The following VPS33A variants were observed in gnomAD, a reference collection of about 807,000 sequenced individuals.
The protein encoded by VPS33A is vacuolar protein sorting-associated protein 33A.
Under a neutral mutation model 71.8 loss-of-function variants are expected in VPS33A, and 32 were observed. That is an observed-to-expected ratio of 0.45 (90% CI 0.34 to 0.60). The LOEUF (loss-of-function observed/expected upper bound fraction) is 0.60. Ranked by LOEUF, VPS33A falls within the 20% of genes least tolerant of loss-of-function variation. VPS33A has a pLI of 0.02. For synonymous variants in VPS33A, 311 were observed against 292.7 expected (o/e 1.06, Z -0.64); for missense variants, 625 against 748.5 (o/e 0.84, Z 1.92).
At position 122,235,197 on chromosome 12, in the gene VPS33A, C is replaced by T. The variant is rs140094815; in HGVS notation, c.1440+589G>A. ...CTGGTCTCGAACTCCTGGACTCAAG[C>T]GATCTGACCCTTCAGCCTCCCAATA... On this transcript the variant is annotated intron_variant, in intron 11 of 12. Transcript: ENST00000267199. Among the ~76,000 whole-genome samples the T allele has an allele frequency of 7.9e-5, 12 of 151,698 alleles. No homozygotes were observed. In the East Asian group the frequency reaches 2.1e-3, roughly 27 times the overall value.
chr12:122,249,376 C>T (rs1287601751), intron 6 of VPS33A: 2 of 152,264 alleles, frequency 1.3e-5, no homozygotes, highest in Non-Finnish European at 2.9e-5. Flanking sequence ...GCATGTGCCA[C>T]CACACTCAGC....
At chr12:122,254,725 A>C (rs1409069065) in intron 4 of VPS33A, among the ~76,000 whole-genome samples, 1 of 152,132 alleles carries the variant, frequency 6.6e-6, no homozygotes, top group African/African-American at 2.4e-5. Flanking sequence ...TCTTAGGTGA[A>C]TATACAAAGC....
chr12:122,250,544 T>C (rs1010541568), intron 5 of VPS33A, among the ~76,000 whole-genome samples: 8 of 152,200 alleles, frequency 5.3e-5, no homozygotes, highest in African/African-American at 1.9e-4. Flanking sequence ...CTGACACACG[T>C]AATGTCTCCG....
intron 11 of VPS33A, 53 bp downstream of exon 11, chr12:122,235,733 T>A: frequency 1.3e-6 from 2 of 1,544,560 alleles, no homozygotes; most frequent in Non-Finnish European, 1.7e-6. Flanking sequence ...TGTTGTCACC[T>A]GGACGATCTA....
In VPS33A at chr12:122,263,533, A is replaced by C. The variant is rs1287760237; in HGVS notation, c.296+39T>G. 1.9e-6 allele frequency: 3 copies of C among 1,559,846 alleles called. No individual in the cohort carries two copies. In the African/African-American group the frequency reaches 4.1e-5, roughly 21 times the overall value. On this transcript the variant is annotated intron_variant, in intron 3 of 12. Transcript: ENST00000267199. ...GCTCATAAATTAAAAGCATTATAAGAACCAAACTCTTTTGGATCAAACACA... is the reference window on the plus strand; with the variant it reads ...GCTCATAAATTAAAAGCATTATAAGCACCAAACTCTTTTGGATCAAACACA...
intron 6 of VPS33A, among the ~76,000 whole-genome samples, chr12:122,246,077 CG>C (rs1343136297): frequency 6.6e-6 from 1 of 152,142 alleles, no homozygotes; most frequent in Non-Finnish European, 1.5e-5. Flanking sequence ...TCATGAACTA[CG>C]GATGGCATGG....
At chr12:122,258,108 A>C (rs1174349889) in intron 4 of VPS33A, among the ~76,000 whole-genome samples, 1 of 152,104 alleles carries the variant, frequency 6.6e-6, no homozygotes, top group East Asian at 1.9e-4. Context: ...AAAAATTATA[A>C]GCTGGGCGCG....
chr12:122,256,144 T>C (rs759603071), intron 4 of VPS33A, among the ~76,000 whole-genome samples: 2 of 152,122 alleles, frequency 1.3e-5, no homozygotes, highest in Non-Finnish European at 2.9e-5. Context: ...TTGTGAAAAC[T>C]GTCAACAAAT....
At chr12:122,240,317 GA>G (rs1954696827) in intron 8 of VPS33A, among the ~76,000 whole-genome samples, 4 of 152,128 alleles carry the variant, frequency 2.6e-5, no homozygotes, top group Non-Finnish European at 5.9e-5. Flanking sequence ...AACAGAGCGA[GA>G]CTCTGTCTCA....
At position 122,234,583 on chromosome 12, in the gene VPS33A, C is replaced by T. The variant is rs112605042; in HGVS notation, c.1440+1203G>A. On this transcript the variant is annotated intron_variant, in intron 11 of 12. Coordinates refer to ENST00000267199, the MANE Select transcript of VPS33A (RefSeq NM_022916.6). Reference sequence around the variant, plus strand: ...CTGGAATTACAGGTGTGAGCCACCGCGCCTGGCCATGGCTGGCTTGTTTAT... The same window carrying T: ...CTGGAATTACAGGTGTGAGCCACCGTGCCTGGCCATGGCTGGCTTGTTTAT... Among the ~76,000 whole-genome samples, 336 of 152,314 alleles carry T rather than the reference C, an allele frequency of 2.2e-3. 6 individuals are homozygous for T. The East Asian group carries it at 0.042, about 19-fold the overall frequency.
At chr12:122,259,498 C>T (rs531355860) in intron 4 of VPS33A, among the ~76,000 whole-genome samples, 2 of 152,070 alleles carry the variant, frequency 1.3e-5, no homozygotes, top group African/African-American at 4.8e-5. Flanking sequence ...GGATCACAGG[C>T]GTGAGCCACC....
chr12:122,263,549 A>G, intron 3 of VPS33A, 23 bp downstream of exon 3: 3 of 1,577,448 alleles, frequency 1.9e-6, no homozygotes, highest in East Asian at 2.3e-5. Context: ...ACTCTTTTGG[A>G]TCAAACACAA....
intron 9 of VPS33A, 91 bp downstream of exon 9, chr12:122,239,784 AGGC>A: frequency 4.6e-6 from 3 of 650,606 alleles, no homozygotes; most frequent in South Asian, 1.8e-5. Context: ...AAAAAAGGCA[AGGC>A]ATGGGAATCA....
At position 122,263,536 on chromosome 12, in the gene VPS33A, C is replaced by A. The variant is rs773265149; in HGVS notation, c.296+36G>T. Reference sequence around the variant, plus strand: ...CATAAATTAAAAGCATTATAAGAACCAAACTCTTTTGGATCAAACACAAGC... The same window carrying A: ...CATAAATTAAAAGCATTATAAGAACAAAACTCTTTTGGATCAAACACAAGC... On this transcript the variant is annotated intron_variant, in intron 3 of 12. Coordinates refer to ENST00000267199, the MANE Select transcript of VPS33A (RefSeq NM_022916.6). 69 of 1,557,414 alleles carry A rather than the reference C, an allele frequency of 4.4e-5. 2 individuals carry two copies. In the Admixed American group the frequency reaches 1.1e-3, roughly 24 times the overall value.
chr12:122,266,429 C>T lies in VPS33A; in HGVS notation c.-21G>A. On this transcript the variant is annotated 5_prime_UTR_variant, in exon 1 of 13. Transcript: ENST00000267199. ...GCCATCTTGCTCCACCACCCCCTGC[C>T]CCACAACGCCAACCGAGTCCGCCGG... The T allele has an allele frequency of 6.2e-7, 1 of 1,601,672 alleles. No homozygotes were observed. Among genetic ancestry groups the T allele is most frequent in the Non-Finnish European group, 8.5e-7 (1 of 1,170,986 alleles).
chr12:122,250,943 A>C, intron 5 of VPS33A, 40 bp downstream of exon 5: 1 of 1,484,120 alleles, frequency 6.7e-7, no homozygotes, highest in Non-Finnish European at 9.4e-7. Context: ...TTGGGGTGTG[A>C]AGGGCCCTCC....
intron 9 of VPS33A, 94 bp downstream of exon 9, chr12:122,239,784 A>T (rs1954689103): frequency 3.1e-6 from 2 of 650,564 alleles, no homozygotes; most frequent in Non-Finnish European, 5.2e-6. Context: ...AAAAAAGGCA[A>T]GGCATGGGAA....
Position 122,232,192 on chromosome 12 carries a change from C to A in VPS33A, c.*54G>T, listed in dbSNP as rs774824125. The stretch of plus-strand genomic sequence containing the variant: ...GGGTTTTACTTCCTTTCAGCAATTT[C>A]TTCAAAGAGGTAGTTTATTCTGCAG... On this transcript the variant is annotated 3_prime_UTR_variant, in exon 13 of 13. Coordinates refer to ENST00000267199, the MANE Select transcript of VPS33A (RefSeq NM_022916.6). 1 of 1,509,572 alleles carries A rather than the reference C, an allele frequency of 6.6e-7. No homozygotes were observed. The highest frequency in any genetic ancestry group is 8.9e-7 in the Non-Finnish European group (1 of 1,121,244). The allele number at this position is 1,509,572 out of a possible 1,614,324, so 93.5% of individuals were successfully genotyped here.
rs778914321 is a variant in VPS33A, at chr12:122,249,970, T to C, written c.676A>G (p.Asn226Asp). 6.2e-7 allele frequency: 1 copy of C among 1,614,038 alleles called. No homozygotes were observed. The highest frequency in any genetic ancestry group is 1.7e-5 in the Admixed American group (1 of 60,012). The stretch of plus-strand genomic sequence containing the variant: ...ACATTCCGATCAAGCAACAAGAGAT[T>C]ATCAAAAACAGGAAATATTGAATTC... ...SQNSIFPVFD[N>D]LLLLDRNVDL... is the part of the protein sequence containing the mutation. Residue 226 changes from asparagine (N) to aspartate (D), a missense_variant, in exon 6 of 13, where the codon AAT becomes GAT. Physicochemically the swap from Asn to Asp is conservative, Grantham distance 23 (BLOSUM62 1). Coordinates refer to ENST00000267199, the MANE Select transcript of VPS33A (RefSeq NM_022916.6).
Sources: gnomAD v4.1 joint callset for allele counts (sites outside exome capture counted in the v4.1 genomes callset) on GRCh38, gnomAD v4.1.1 for gene constraint, MANE v1.5 for transcripts, NCBI Gene and HGNC (gene_info 2026-07-23, HGNC 2026-07-21) for gene names.